The following SEC22A variants were observed in gnomAD, a reference collection of about 807,000 sequenced individuals.
The protein encoded by SEC22A is vesicle-trafficking protein SEC22a.
SEC22A carries 22 observed loss-of-function variants against 35.3 expected under a neutral mutation model. The ratio of observed to expected loss-of-function variants is 0.62; its 90% CI spans 0.45 to 0.89. SEC22A has a LOEUF of 0.89. Among genes scored for constraint, SEC22A ranks in the 40% least tolerant of loss-of-function variants. The pLI is 0.00. For synonymous variants in SEC22A, 119 were observed against 129.5 expected (o/e 0.92, Z 0.55); for missense variants, 354 against 362.5 (o/e 0.98, Z 0.19).
At position 123,272,622 on chromosome 3, in the gene SEC22A, T is replaced by C. The variant is rs1409088978; in HGVS notation, c.*900T>C. ...ATGTTGTTCAGTTCTAGCTAGAAAC[T>C]AATGCCTAGAAAGGCTCCGAATCTT... On this transcript the variant is annotated 3_prime_UTR_variant, in exon 7 of 7. Transcript: ENST00000492595. 1 of 152,460 alleles carries C rather than the reference T, an allele frequency of 6.6e-6. No homozygotes were observed. Among genetic ancestry groups the C allele is most frequent in the African/African-American group, 2.4e-5 (1 of 41,452 alleles). The allele number at this position is 152,460 out of a possible 1,614,324, so 9.4% of individuals were successfully genotyped here.
chr3:123,221,029 T>G (rs771502607), intron 2 of SEC22A, among the ~76,000 whole-genome samples: 21 of 151,762 alleles, frequency 1.4e-4, no homozygotes, highest in Non-Finnish European at 2.9e-4. Context: ...TAAGACACTT[T>G]AAGTGCAGTA....
chr3:123,228,974 G>T (rs966559425), intron 4 of SEC22A, among the ~76,000 whole-genome samples: 5 of 152,004 alleles, frequency 3.3e-5, no homozygotes, highest in African/African-American at 1.2e-4. Context: ...AAAAAAGAAT[G>T]AAGAAAAATG....
At chr3:123,216,556 T>C (rs1450027547) in intron 2 of SEC22A, among the ~76,000 whole-genome samples, 1 of 152,206 alleles carries the variant, frequency 6.6e-6, no homozygotes, top group Admixed American at 6.5e-5. Context: ...CTTTTATTCA[T>C]AGGATGATTT....
intron 4 of SEC22A, among the ~76,000 whole-genome samples, chr3:123,230,983 A>G (rs902966072): frequency 6.6e-6 from 1 of 152,160 alleles, no homozygotes. Flanking sequence ...ATAAAAAAAG[A>G]TAAATGAAGA....
intron 4 of SEC22A, among the ~76,000 whole-genome samples, chr3:123,234,761 G>A (rs1409655241): frequency 2.6e-5 from 4 of 152,106 alleles, no homozygotes; most frequent in African/African-American, 4.8e-5. Flanking sequence ...AGTGGCTCAC[G>A]CCTGTAATCC....
At chr3:123,267,505 A>G (rs1449903768) in intron 6 of SEC22A, among the ~76,000 whole-genome samples, 1 of 152,032 alleles carries the variant, frequency 6.6e-6, no homozygotes, top group Non-Finnish European at 1.5e-5. Context: ...GCCCTCCCCT[A>G]TTTATAATTG....
chr3:123,223,123 C>T (rs942371252), intron 2 of SEC22A, among the ~76,000 whole-genome samples: 2 of 152,150 alleles, frequency 1.3e-5, no homozygotes, highest in African/African-American at 2.4e-5. Flanking sequence ...CAGTGATCAC[C>T]TTGAAATTGT....
rs1437726520 is a variant in SEC22A, at chr3:123,215,681, A to C, written c.182+6282A>C. Among the ~76,000 whole-genome samples, 7 of 152,312 alleles carry C rather than the reference A, an allele frequency of 4.6e-5. No homozygotes were observed. The East Asian group carries it at 1.4e-3, about 29-fold the overall frequency. ...CAACGTCACAAAAATAGTAAATGATATATATGAACCACAATCTTTTGGATT... is the reference window on the plus strand; with the variant it reads ...CAACGTCACAAAAATAGTAAATGATCTATATGAACCACAATCTTTTGGATT... On this transcript the variant is annotated intron_variant, in intron 2 of 6. Coordinates refer to ENST00000492595, the MANE Select transcript of SEC22A (RefSeq NM_012430.5).
chr3:123,220,539 G>A (rs955701131), intron 2 of SEC22A, among the ~76,000 whole-genome samples: 6 of 152,030 alleles, frequency 3.9e-5, no homozygotes, highest in Non-Finnish European at 5.9e-5. Flanking sequence ...ATTTTACTTT[G>A]TGAATGCTGT....
intron 6 of SEC22A, among the ~76,000 whole-genome samples, chr3:123,270,294 TC>T (rs1360892241): frequency 6.6e-6 from 1 of 152,224 alleles, no homozygotes; most frequent in East Asian, 1.9e-4. Context: ...GATAAATACT[TC>T]CAATTCATTT....
chr3:123,254,434 C>T (rs988503638), intron 5 of SEC22A, among the ~76,000 whole-genome samples: 10 of 152,078 alleles, frequency 6.6e-5, no homozygotes. Flanking sequence ...ATTGGAACTC[C>T]TTACCTCTGC....
At chr3:123,245,200 T>A (rs1969261) in intron 4 of SEC22A, among the ~76,000 whole-genome samples, 42,503 of 152,148 alleles carry the variant, frequency 0.28, 6,671 homozygotes, top group African/African-American at 0.42. Context: ...GTTTGTACTT[T>A]AAAATGTTTC....
intron 1 of SEC22A, chr3:123,208,712 G>C (rs1205388930): frequency 1.3e-5 from 2 of 153,388 alleles, no homozygotes; most frequent in African/African-American, 2.5e-5. Context: ...AGAGCAAGAT[G>C]CTGTCTCAAA....
Position 123,271,698 on chromosome 3 carries a change from C to T in SEC22A, c.900C>T (p.Gly300=), listed in dbSNP as rs775434879. The change falls in exon 7 of 7, where the codon GGC becomes GGT. Residue 300 remains glycine (G), a synonymous_variant. Coordinates refer to ENST00000492595, the MANE Select transcript of SEC22A (RefSeq NM_012430.5). The part of the protein sequence containing the change: ...TLQIWLRQAQ[G]KAPDYDV ...AGATCTGGCTAAGGCAAGCCCAGGGCAAGGCTCCCGATTATGATGTCTGAC... is the reference window on the plus strand; with the variant it reads ...AGATCTGGCTAAGGCAAGCCCAGGGTAAGGCTCCCGATTATGATGTCTGAC... 1.2e-5 allele frequency: 19 copies of T among 1,614,100 alleles called. No homozygotes were observed. The highest frequency in any genetic ancestry group is 1.6e-5 in the Non-Finnish European group (19 of 1,179,970).
At chr3:123,207,701 ACTT>A (rs753333664) in intron 1 of SEC22A, among the ~76,000 whole-genome samples, 38 of 152,216 alleles carry the variant, frequency 2.5e-4, no homozygotes, top group Non-Finnish European at 4.8e-4. Flanking sequence ...TAAACTTTCA[ACTT>A]CTTATGCAAG....
At position 123,261,518 on chromosome 3, in the gene SEC22A, T is replaced by C. The variant is rs546357537; in HGVS notation, c.723+1929T>C. On this transcript the variant is annotated intron_variant, in intron 6 of 6. Coordinates refer to ENST00000492595, the MANE Select transcript of SEC22A (RefSeq NM_012430.5). The stretch of plus-strand genomic sequence containing the variant: ...AATTTGTGTAATTTTTATAATGTAA[T>C]AAAGTTATAATTTTATAACTATACA... Among the ~76,000 whole-genome samples the C allele has an allele frequency of 3.3e-5, 5 of 152,316 alleles. 1 individual carries two copies. Among genetic ancestry groups the C allele is most frequent in the South Asian group, 2.1e-4 (1 of 4,820 alleles).
At chr3:123,269,943 T>A (rs1559766543) in intron 6 of SEC22A, among the ~76,000 whole-genome samples, 2 of 151,408 alleles carry the variant, frequency 1.3e-5, no homozygotes, top group African/African-American at 4.9e-5. Flanking sequence ...AAAATTTTTT[T>A]AAAAAAAGAT....
chr3:123,237,807 C>T (rs768310811), intron 4 of SEC22A, among the ~76,000 whole-genome samples: 8 of 152,078 alleles, frequency 5.3e-5, no homozygotes, highest in Non-Finnish European at 1.2e-4. Context: ...TCCTGGATCA[C>T]CAAACGTTAG....
chr3:123,219,673 C>T (rs1471027666), intron 2 of SEC22A, among the ~76,000 whole-genome samples: 1 of 152,198 alleles, frequency 6.6e-6, no homozygotes, highest in Non-Finnish European at 1.5e-5. Flanking sequence ...GGTGCTATTA[C>T]TCTTACTACT....
Sources: allele counts gnomAD v4.1 joint callset (sites outside exome capture counted in the v4.1 genomes callset), GRCh38; gene constraint gnomAD v4.1.1; transcripts MANE v1.5; gene names NCBI Gene and HGNC (gene_info 2026-07-23, HGNC 2026-07-21).